The following PCDHGB1 variants were observed in gnomAD, a reference collection of about 807,000 sequenced individuals.
PCDHGB1 encodes protocadherin gamma subfamily B, 1, also known as protocadherin gamma-B1.
Under a neutral mutation model 56.6 loss-of-function variants are expected in PCDHGB1, and 34 were observed. The observed-to-expected ratio is 0.60, with a 90% CI of 0.46 to 0.80. The LOEUF is 0.80. Ranked by LOEUF, PCDHGB1 falls within the 30% of genes least tolerant of loss-of-function variation. PCDHGB1 has a pLI of 0.00. For missense variants in PCDHGB1, 1,278 were observed against 1,204.6 expected (o/e 1.06, Z -0.90); for synonymous variants, 561 against 505.9 (o/e 1.11, Z -1.46).
intron 1 of PCDHGB1, among the ~76,000 whole-genome samples, chr5:141,373,124 C>A (rs933714666): frequency 1.3e-5 from 2 of 152,188 alleles, no homozygotes; most frequent in Non-Finnish European, 2.9e-5. Context: ...GAATTAGACC[C>A]AAATCCTCAC....
Position 141,486,230 on chromosome 5 carries a change from A to C in PCDHGB1, c.2410-8577A>C. On this transcript the variant is annotated intron_variant, in intron 1 of 3. Coordinates refer to ENST00000523390, the MANE Select transcript of PCDHGB1 (RefSeq NM_018922.3). The surrounding 1 kb of genome is among the most constrained non-coding windows in gnomAD (Gnocchi z 5.0). ...TGACAATGCCCCTTACATCACAGTGACCTCAGAGCTTGGAACCCTCCCCGA... is the reference window on the plus strand; with the variant it reads ...TGACAATGCCCCTTACATCACAGTGCCCTCAGAGCTTGGAACCCTCCCCGA... The C allele has an allele frequency of 6.2e-7, 1 of 1,614,016 alleles. No individual in the cohort carries two copies. Among genetic ancestry groups the C allele is most frequent in the Non-Finnish European group, 8.5e-7 (1 of 1,179,964 alleles).
intron 1 of PCDHGB1, chr5:141,366,804 T>TTC: frequency 9.6e-6 from 15 of 1,561,826 alleles, no homozygotes; most frequent in Non-Finnish European, 1.3e-5. Flanking sequence ...TTGTTTCCTT[T>TTC]TTCATGTTTC....
Position 141,432,208 on chromosome 5 carries a change from G to A in PCDHGB1, c.2410-62599G>A, listed in dbSNP as rs150518735. The A allele has an allele frequency of 3.4e-5, 55 of 1,614,196 alleles. No individual in the cohort carries two copies. In the Middle Eastern group the frequency reaches 8.2e-4, roughly 24 times the overall value. Reference sequence around the variant, plus strand: ...CCGCCCACGACCCCGACTGTGAAGAGAACGCCCAGATCACTTATTCCCTGG... The same window carrying A: ...CCGCCCACGACCCCGACTGTGAAGAAAACGCCCAGATCACTTATTCCCTGG... On this transcript the variant is annotated intron_variant, in intron 1 of 3. Transcript: ENST00000523390. The surrounding 1 kb of genome is among the most constrained non-coding windows in gnomAD (Gnocchi z 6.0).
chr5:141,424,018 CACAA>C (rs909442976), intron 1 of PCDHGB1: 3 of 1,051,682 alleles, frequency 2.9e-6, no homozygotes, highest in South Asian at 4.6e-5. Context: ...ATTAATGATT[CACAA>C]ACACTTTTTA....
intron 1 of PCDHGB1, chr5:141,361,549 G>A (rs1366415460): frequency 1.9e-6 from 3 of 1,613,918 alleles, no homozygotes; most frequent in East Asian, 4.5e-5. Context: ...CGCCTCTATC[G>A]CTCAAATCAG....
At chr5:141,374,200 G>A (rs372035857) in intron 1 of PCDHGB1, 17 of 1,613,778 alleles carry the variant, frequency 1.1e-5, no homozygotes, top group African/African-American at 2.7e-5. Context: ...CCGAGGAGCT[G>A]GAGAAAGGCT....
chr5:141,446,398 G>A (rs1379233102), intron 1 of PCDHGB1, among the ~76,000 whole-genome samples: 2 of 152,128 alleles, frequency 1.3e-5, no homozygotes, highest in African/African-American at 2.4e-5. Context: ...AAGAGAAATC[G>A]AGTTGAGTTC....
At chr5:141,401,802 A>C (rs1030250595) in intron 1 of PCDHGB1, among the ~76,000 whole-genome samples, 162 of 152,148 alleles carry the variant, frequency 1.1e-3, no homozygotes, top group African/African-American at 3.7e-3. Context: ...TGATTCAGTA[A>C]ATGGGTTCCT....
chr5:141,350,617 A>T lies in PCDHGB1; in HGVS notation c.357A>T (p.Val119=). The T allele has an allele frequency of 6.2e-7, 1 of 1,614,050 alleles. No homozygotes were observed. Among genetic ancestry groups the T allele is most frequent in the Non-Finnish European group, 8.5e-7 (1 of 1,179,896 alleles). Residue 119 remains valine, a synonymous_variant, in exon 1 of 4, where the codon GTA becomes GTT. Transcript: ENST00000523390. ...TGAATGTTTTCCACGTGGTTGTTGT[A>T]ATCCAAGATATTAATGACAATGCAC... ...NPMNVFHVVV[V]IQDINDNAPR... is the part of the protein sequence containing the mutation.
At chr5:141,371,589 A>C (rs754175637) in intron 1 of PCDHGB1, 1 of 1,613,602 alleles carries the variant, frequency 6.2e-7, no homozygotes, top group South Asian at 1.1e-5. Context: ...TCAAGATACC[A>C]AAAACACATA....
chr5:141,385,633 G>A (rs2090306772), intron 1 of PCDHGB1: 9 of 905,286 alleles, frequency 9.9e-6, no homozygotes, highest in Non-Finnish European at 1.3e-5. Flanking sequence ...AATGAATCGA[G>A]TCTTTCATAT....
intron 2 of PCDHGB1, 160 bp from the exon 3 acceptor site, chr5:141,505,233 C>T: frequency 1.1e-6 from 1 of 872,838 alleles, no homozygotes; most frequent in Non-Finnish European, 1.4e-6. Context: ...ATTCTGGCTT[C>T]TGAAGGATTG....
intron 1 of PCDHGB1, chr5:141,377,873 T>C (rs1304157749): frequency 6.6e-6 from 1 of 152,196 alleles, no homozygotes; most frequent in Admixed American, 6.5e-5. Context: ...AGACTTCTCT[T>C]ATCAGAGATA....
At chr5:141,356,354 CT>C (rs1760202379) in intron 1 of PCDHGB1, 1 of 1,556,448 alleles carries the variant, frequency 6.4e-7, no homozygotes, top group Admixed American at 1.9e-5. Context: ...GTCACATGTT[CT>C]ATTCCAGATA....
intron 1 of PCDHGB1, among the ~76,000 whole-genome samples, chr5:141,456,857 G>A (rs957526443): frequency 6.6e-5 from 10 of 152,234 alleles, no homozygotes; most frequent in African/African-American, 2.4e-4. Context: ...CAGCTAATTG[G>A]GAGGCTGAGG....
intron 1 of PCDHGB1, chr5:141,362,033 G>A (rs1762293611): frequency 6.2e-7 from 1 of 1,609,476 alleles, no homozygotes; most frequent in Non-Finnish European, 8.5e-7. Flanking sequence ...CGTGCCTTGG[G>A]CGACAGGGAC....
At position 141,487,447 on chromosome 5, in the gene PCDHGB1, C is replaced by A. The variant is rs758411138; in HGVS notation, c.2410-7360C>A. 4.3e-6 allele frequency: 7 copies of A among 1,614,182 alleles called. No homozygotes were observed. The highest frequency in any genetic ancestry group is 5.9e-6 in the Non-Finnish European group (7 of 1,180,028). Reference sequence around the variant, plus strand: ...TCCGAATCCAGCTAGGGTCAGATGACCCTATCAAGTTTGTTGATGTGGGAG... The same window carrying A: ...TCCGAATCCAGCTAGGGTCAGATGAACCTATCAAGTTTGTTGATGTGGGAG... On this transcript the variant is annotated intron_variant, in intron 1 of 3. Coordinates refer to ENST00000523390, the MANE Select transcript of PCDHGB1 (RefSeq NM_018922.3). The surrounding 1 kb of genome is among the most constrained non-coding windows in gnomAD (Gnocchi z 5.0).
chr5:141,503,161 T>C (rs1035413931), intron 2 of PCDHGB1, among the ~76,000 whole-genome samples: 3 of 152,054 alleles, frequency 2.0e-5, no homozygotes, highest in Admixed American at 1.3e-4. Context: ...AGTATCACAA[T>C]TGCAATTACT....
At chr5:141,413,338 G>A in intron 1 of PCDHGB1, 1 of 1,613,980 alleles carries the variant, frequency 6.2e-7, no homozygotes, top group African/African-American at 1.3e-5. Context: ...CATCTCCAAG[G>A]ACTTGGGTCT....
Sources: gnomAD v4.1 joint callset for allele counts (sites outside exome capture counted in the v4.1 genomes callset) on GRCh38, gnomAD v4.1.1 for gene constraint, Gnocchi (gnomAD v3.1) non-coding constraint, MANE v1.5 for transcripts, NCBI Gene and HGNC (gene_info 2026-07-23, HGNC 2026-07-21) for gene names.